Variants in DLGAP2 observed in about 807,000 individuals in gnomAD.
DLGAP2 encodes disks large-associated protein 2.
A neutral mutation model predicts 100.3 loss-of-function variants in DLGAP2; 26 were observed. The ratio of observed to expected loss-of-function variants is 0.26; its 90% CI spans 0.19 to 0.36. DLGAP2 has a LOEUF of 0.36. Ranked by LOEUF, DLGAP2 falls within the 10% of genes least tolerant of loss-of-function variation. The probability of loss-of-function intolerance (pLI) is 1.00; values close to 1 mark genes in which losing one functional copy is unlikely to be tolerated. For synonymous variants in DLGAP2, 886 were observed against 630.1 expected, an observed-to-expected ratio of 1.41 and a Z score of -6.08; for missense variants, 1,858 against 1,453.2, an observed-to-expected ratio of 1.28 and a Z score of -4.53.
intron 2 of DLGAP2, among the ~76,000 whole-genome samples, chr8:1,227,121 C>G (rs1337275563): frequency 9.5e-6 from 1 of 105,228 alleles, no homozygotes; most frequent in Non-Finnish European, 1.7e-5. Flanking sequence ...CCTGAGTGTC[C>G]TTCAACAAAT....
At chr8:1,034,442 C>T (rs1802072681) in intron 2 of DLGAP2, among the ~76,000 whole-genome samples, 1 of 23,172 alleles carries the variant, frequency 4.3e-5, no homozygotes, top group African/African-American at 3.1e-4. Flanking sequence ...TGGATTCACA[C>T]GCTCATCCCA....
intron 4 of DLGAP2, among the ~76,000 whole-genome samples, chr8:1,526,288 C>T (rs1800789982): frequency 6.6e-6 from 1 of 151,938 alleles, no homozygotes; most frequent in Non-Finnish European, 1.5e-5. Flanking sequence ...TGTGACAGCG[C>T]CTCACCTGCG....
At chr8:749,062 T>C (rs1386437512) in intron 1 of DLGAP2, among the ~76,000 whole-genome samples, 1 of 152,214 alleles carries the variant, frequency 6.6e-6, no homozygotes, top group Non-Finnish European at 1.5e-5. Flanking sequence ...TGCAGGGGCA[T>C]CATCATAGCT....
At chr8:1,029,694 C>T (rs1471954801) in intron 2 of DLGAP2, among the ~76,000 whole-genome samples, 2 of 151,964 alleles carry the variant, frequency 1.3e-5, no homozygotes, top group African/African-American at 2.4e-5. Flanking sequence ...TAGAGAAAGG[C>T]GGGTGACCTT....
chr8:981,660 T>A (rs1800335504), intron 2 of DLGAP2, among the ~76,000 whole-genome samples: 1 of 152,182 alleles, frequency 6.6e-6, no homozygotes, highest in African/African-American at 2.4e-5. Flanking sequence ...TATTTGCATT[T>A]CCCTGACAAT....
chr8:858,231 T>A (rs930053940), intron 1 of DLGAP2, among the ~76,000 whole-genome samples: 1 of 152,208 alleles, frequency 6.6e-6, no homozygotes, highest in Non-Finnish European at 1.5e-5. Context: ...AACTGGCCTA[T>A]CTGGACAAGA....
At chr8:984,239 T>C (rs946762437) in intron 2 of DLGAP2, among the ~76,000 whole-genome samples, 63 of 152,228 alleles carry the variant, frequency 4.1e-4, no homozygotes, top group Admixed American at 3.3e-4. Context: ...AGCACAGCTT[T>C]GTCAGCCTGT....
At chr8:790,948 G>T (rs1212530252) in intron 1 of DLGAP2, among the ~76,000 whole-genome samples, 2 of 152,058 alleles carry the variant, frequency 1.3e-5, no homozygotes, top group Non-Finnish European at 2.9e-5. Flanking sequence ...TCACCATGTT[G>T]CCCAAGGTGG....
chr8:1,570,923 A>AG (rs1344360456), intron 6 of DLGAP2, among the ~76,000 whole-genome samples: 1 of 77,132 alleles, frequency 1.3e-5, no homozygotes, highest in Non-Finnish European at 2.6e-5. Context: ...GAGAGGAGAG[A>AG]GGGTGAACTG....
chr8:1,603,891 C>A (rs1390274565), intron 6 of DLGAP2, among the ~76,000 whole-genome samples: 1 of 152,158 alleles, frequency 6.6e-6, no homozygotes, highest in Non-Finnish European at 1.5e-5. Flanking sequence ...TGGTGAGATT[C>A]CATGCAAATT....
At chr8:772,028 G>C (rs530437492) in intron 1 of DLGAP2, among the ~76,000 whole-genome samples, 28 of 151,936 alleles carry the variant, frequency 1.8e-4, no homozygotes, top group Non-Finnish European at 4.4e-5. Context: ...TCAGCCTCTC[G>C]AGTAGCTGGG....
intron 8 of DLGAP2, among the ~76,000 whole-genome samples, chr8:1,636,381 A>G (rs774964384): frequency 3.3e-5 from 5 of 152,242 alleles, no homozygotes; most frequent in Admixed American, 2.0e-4. Flanking sequence ...TTATATTTCT[A>G]TAGCAACTTG....
chr8:962,371 C>T (rs1265132834), intron 2 of DLGAP2, among the ~76,000 whole-genome samples: 1 of 152,176 alleles, frequency 6.6e-6, no homozygotes, highest in Non-Finnish European at 1.5e-5. Flanking sequence ...CCATAATTAA[C>T]TTTTGTTCTG....
chr8:782,248 CAG>C (rs1376238189), intron 1 of DLGAP2, among the ~76,000 whole-genome samples: 15 of 148,628 alleles, frequency 1.0e-4, no homozygotes, highest in Admixed American at 6.7e-4. Context: ...AAAAAAAAAA[CAG>C]AAGAGAGGGG....
intron 1 of DLGAP2, among the ~76,000 whole-genome samples, chr8:779,096 C>T (rs898470613): frequency 1.3e-5 from 2 of 152,204 alleles, no homozygotes; most frequent in African/African-American, 4.8e-5. Context: ...GGGAGTGACC[C>T]GATTTTCCAG....
chr8:1,129,002 ACT>A (rs1303400451), intron 2 of DLGAP2, among the ~76,000 whole-genome samples: 1 of 152,208 alleles, frequency 6.6e-6, no homozygotes, highest in Non-Finnish European at 1.5e-5. Context: ...TTCTTTGCCC[ACT>A]GATAGTCATG....
intron 3 of DLGAP2, among the ~76,000 whole-genome samples, chr8:1,276,628 G>A (rs1405899460): frequency 2.7e-5 from 4 of 150,222 alleles, no homozygotes; most frequent in South Asian, 2.1e-4. Context: ...GTCTTGTGTC[G>A]GTGCTTTGAC....
intron 6 of DLGAP2, among the ~76,000 whole-genome samples, chr8:1,583,742 G>A (rs572076472): frequency 2.0e-5 from 3 of 152,158 alleles, no homozygotes; most frequent in African/African-American, 7.2e-5. Flanking sequence ...CCAGCTCCAA[G>A]TCCTGCCTCT....
chr8:1,636,220 G>A (rs1797762197), intron 8 of DLGAP2, among the ~76,000 whole-genome samples: 1 of 152,158 alleles, frequency 6.6e-6, no homozygotes, highest in Non-Finnish European at 1.5e-5. Context: ...ATATTGTGAA[G>A]GAAAATGGTG....
Sources: gnomAD v4.1 joint callset for allele counts (sites outside exome capture counted in the v4.1 genomes callset) on GRCh38, gnomAD v4.1.1 for gene constraint, MANE v1.5 for transcripts, NCBI Gene and HGNC (gene_info 2026-07-23, HGNC 2026-07-21) for gene names.